Variants in CDHR4 observed in about 807,000 individuals in gnomAD.
CDHR4 encodes the protein cadherin related family member 4, also known as cadherin-related family member 4.
Under a neutral mutation model 88.4 loss-of-function variants are expected in CDHR4, and 89 were observed. That is an observed-to-expected ratio of 1.01 (90% CI 0.85 to 1.20). The LOEUF (loss-of-function observed/expected upper bound fraction) is 1.20, where lower values mean the gene tolerates loss of function less well. Among genes scored for constraint, CDHR4 ranks in the 50% most tolerant of loss-of-function variants. The pLI, the probability that CDHR4 is intolerant of heterozygous loss-of-function variation, is 0.00. For synonymous variants in CDHR4, 368 were observed against 399.2 expected (o/e 0.92, Z 0.93); for missense variants, 914 against 1,007.2 (o/e 0.91, Z 1.25).
chr3:49,793,540 G>A, intron 12 of CDHR4, 43 bp downstream of exon 12: 1 of 1,547,482 alleles, frequency 6.5e-7, no homozygotes, highest in South Asian at 1.2e-5. Flanking sequence ...CTGAACTCCT[G>A]TCTTTCCAAG....
chr3:49,790,856 G>C lies in CDHR4; in HGVS notation c.2343C>G (p.His781Gln). 1.9e-6 allele frequency: 3 copies of C among 1,551,484 alleles called. No homozygotes were observed. The highest frequency in any genetic ancestry group is 2.6e-6 in the Non-Finnish European group (3 of 1,146,858). ...CTCAGAGCCAGCGCCGGGCTCCTGT[G>C]TGTGTGTTAAACAGGTAGTCTCTTC... ...RTGRDYLFNT[H>Q]TGARRWL The change falls in exon 19 of 19, where the codon CAC becomes CAG. Residue 781 changes from histidine to glutamine, a missense_variant. Transcript: ENST00000412678.
chr3:49,796,791 CA>C, intron 5 of CDHR4, 130 bp downstream of exon 5: 1 of 677,010 alleles, frequency 1.5e-6, no homozygotes, highest in Admixed American at 2.4e-5. Context: ...AGACAGCATG[CA>C]GCAGCAGGTC....
At position 49,799,174 on chromosome 3, in the gene CDHR4, T is replaced by C; in HGVS notation, c.241-18A>G. 2.5e-6 allele frequency: 4 copies of C among 1,590,314 alleles called. No individual in the cohort carries two copies. The highest frequency in any genetic ancestry group is 3.4e-6 in the Non-Finnish European group (4 of 1,167,942). ...AAGGTCAACTGGGGTGGGTGGACAG[T>C]GCCATGTGGGGCTTGGAAATTTTAG... On this transcript the variant is annotated intron_variant, in intron 2 of 18. Transcript: ENST00000412678.
At chr3:49,794,272 C>A (rs1344504140) in intron 10 of CDHR4, among the ~76,000 whole-genome samples, 1 of 152,164 alleles carries the variant, frequency 6.6e-6, no homozygotes, top group African/African-American at 2.4e-5. Flanking sequence ...GTGGCCGGCA[C>A]CTGTAGTCCC....
At position 49,790,773 on chromosome 3, in the gene CDHR4, A is replaced by C; in HGVS notation, c.*59T>G. 1 of 1,396,220 alleles carries C rather than the reference A, an allele frequency of 7.2e-7. No individual in the cohort carries two copies. The highest frequency in any genetic ancestry group is 1.3e-5 in the South Asian group (1 of 75,484). The allele number at this position is 1,396,220 out of a possible 1,614,324, so 86.5% of individuals were successfully genotyped here. On this transcript the variant is annotated 3_prime_UTR_variant, in exon 19 of 19. Transcript: ENST00000412678. ...TTGTTTATTATGAATCAACTTGAAA[A>C]TACAGCCCATGATGGTGTGAAAAAG...
Position 49,799,342 on chromosome 3 carries a change from G to A in CDHR4, c.145C>T (p.Pro49Ser). 5.6e-6 allele frequency: 9 copies of A among 1,613,766 alleles called. No homozygotes were observed. Among genetic ancestry groups the A allele is most frequent in the South Asian group, 5.5e-5 (5 of 91,020 alleles). Reference protein sequence around the residue: ...FLSFNCSSYTPTPTLELLNVQ... With the variant: ...FLSFNCSSYTSTPTLELLNVQ... Reference sequence around the variant, plus strand: ...TTGAGCAACTCCAGGGTGGGTGTGGGCGTGTAGGAGGAGCAGTTGAAGGAT... The same window carrying A: ...TTGAGCAACTCCAGGGTGGGTGTGGACGTGTAGGAGGAGCAGTTGAAGGAT... The change falls in exon 2 of 19, where the codon CCC (proline) becomes TCC (serine). Residue 49 changes from proline to serine, a missense_variant. Physicochemically the swap from Pro to Ser is moderately conservative, Grantham distance 74 (BLOSUM62 -1). Coordinates refer to ENST00000412678, the MANE Select transcript of CDHR4 (RefSeq NM_001007540.4).
chr3:49,793,242 G>A lies in CDHR4; in HGVS notation c.1693C>T (p.Arg565Cys), dbSNP rs1427219918. 16 of 1,551,502 alleles carry A rather than the reference G, an allele frequency of 1.0e-5. No homozygotes were observed. Among genetic ancestry groups the A allele is most frequent in the East Asian group, 2.4e-5 (1 of 40,928 alleles). Residue 565 changes from arginine (R) to cysteine (C), a missense_variant, in exon 13 of 19, where the codon CGT (arginine) becomes TGT (cysteine). Coordinates refer to ENST00000412678, the MANE Select transcript of CDHR4 (RefSeq NM_001007540.4). ...GACATCTTGGTCACCTCCACGCTAC[G>A]GCCCAGAGGAGCATAGATGGTGAGT... ...QELTIYAPLG[R>C]SVEVTKMSCQ...
chr3:49,800,299 G>T (rs2081343510), upstream of CDHR4, among the ~76,000 whole-genome samples: 1 of 152,124 alleles, frequency 6.6e-6, no homozygotes, highest in Non-Finnish European at 1.5e-5. Flanking sequence ...GCTGAGGTGG[G>T]AGGATCACTT....
chr3:49,797,061 A>G (rs2081282144), intron 4 of CDHR4, 29 bp from the exon 5 acceptor site: 4 of 1,541,338 alleles, frequency 2.6e-6, no homozygotes, highest in African/African-American at 2.7e-5. Flanking sequence ...TGGCAACCAC[A>G]TTCAGCCCCC....
intron 5 of CDHR4, 47 bp downstream of exon 5, chr3:49,796,875 C>T (rs2108285443): frequency 1.4e-6 from 2 of 1,445,512 alleles, no homozygotes; most frequent in Non-Finnish European, 9.5e-7. Flanking sequence ...AAAAGGTAGG[C>T]ACTCTACCCA....
chr3:49,795,849 CAG>C lies in CDHR4; in HGVS notation c.711-87_711-86del. On this transcript the variant is annotated intron_variant, in intron 6 of 18. Transcript: ENST00000412678. This position sits in a 1 kb window ranked among gnomAD's most constrained non-coding sequence, Gnocchi z 5.4. ...CTTCCTTCCCTGGGCCCCCTCCTGT[CAG>C]GGCTGGGACTCAGCTCCAGCAGCCT... The C allele has an allele frequency of 1.3e-6, 2 of 1,530,530 alleles. No individual in the cohort carries two copies. 94.8% of individuals were successfully genotyped at this position (1,530,530 alleles called of 1,614,324 possible). A position where few individuals can be genotyped will look rare whatever the true frequency, so the allele number is the denominator to read the frequency against.
At position 49,791,798 on chromosome 3, in the gene CDHR4, G is replaced by C; in HGVS notation, c.2199C>G (p.Ile733Met). 6.4e-7 allele frequency: 1 copy of C among 1,551,734 alleles called. No homozygotes were observed. The highest frequency in any genetic ancestry group is 8.7e-7 in the Non-Finnish European group (1 of 1,146,996). ...KPAQALLLNS[I>M]QGTEGSIEGF... ...CCTCGATGGATCCCTCAGTTCCCTGGATGCTGGGGCAAAGTACGAGCAAGA... is the reference window on the plus strand; with the variant it reads ...CCTCGATGGATCCCTCAGTTCCCTGCATGCTGGGGCAAAGTACGAGCAAGA... Residue 733 changes from isoleucine (I) to methionine (M), a missense_variant, in exon 17 of 19, where the codon ATC becomes ATG. Physicochemically the swap from Ile to Met is conservative, Grantham distance 10. Transcript: ENST00000412678.
chr3:49,796,207 C>G (rs149536127), intron 5 of CDHR4, among the ~76,000 whole-genome samples, 161 bp from the exon 6 acceptor site: 1 of 152,344 alleles, frequency 6.6e-6, no homozygotes, highest in African/African-American at 2.4e-5. Context: ...ACTCTGCTGA[C>G]AAGTATTCCT....
At chr3:49,797,275 T>C (rs1017846152) in intron 4 of CDHR4, among the ~76,000 whole-genome samples, 3 of 150,402 alleles carry the variant, frequency 2.0e-5, no homozygotes, top group South Asian at 2.1e-4. Context: ...CTCCCTCCCT[T>C]CCTTCCTTCT....
At position 49,790,942 on chromosome 3, in the gene CDHR4, C is replaced by T. The variant is rs573198471; in HGVS notation, c.2312-55G>A. 9.5e-6 allele frequency: 13 copies of T among 1,374,986 alleles called. 1 individual carries two copies. The African/African-American group carries it at 1.3e-4, about 14-fold the overall frequency. The allele number at this position is 1,374,986 out of a possible 1,614,324, so 85.2% of individuals were successfully genotyped here. A position where few individuals can be genotyped will look rare whatever the true frequency, so the allele number is the denominator to read the frequency against. On this transcript the variant is annotated intron_variant, in intron 18 of 18. Coordinates refer to ENST00000412678, the MANE Select transcript of CDHR4 (RefSeq NM_001007540.4). Reference sequence around the variant, plus strand: ...GGGGGTGCTGCTGGCCCCAGAAGAACTGCCTCCCTCCCCCTTACTTAAGGG... The same window carrying T: ...GGGGGTGCTGCTGGCCCCAGAAGAATTGCCTCCCTCCCCCTTACTTAAGGG...
intron 14 of CDHR4, 58 bp from the exon 15 acceptor site, chr3:49,792,668 C>G: frequency 6.5e-7 from 1 of 1,541,786 alleles, no homozygotes; most frequent in South Asian, 1.2e-5. Flanking sequence ...ACCATCCAGC[C>G]TTCCAACCCT....
chr3:49,793,650 T>C lies in CDHR4; in HGVS notation c.1556A>G (p.Asp519Gly). Residue 519 changes from aspartate to glycine, a missense_variant, in exon 12 of 19, where the codon GAC (aspartate) becomes GGC (glycine). Transcript: ENST00000412678. The part of the protein sequence containing the change: ...RLYRLTVLVI[D>G]HGQDQNPNHH... ...GTTGGGGTTCTGGTCTTGGCCATGG[T>C]CAATCACAAGGACAGTGAGCCTGTA... 6.4e-7 allele frequency: 1 copy of C among 1,551,682 alleles called. No individual in the cohort carries two copies. Among genetic ancestry groups the C allele is most frequent in the Non-Finnish European group, 8.7e-7 (1 of 1,146,976 alleles).
At chr3:49,798,296 T>G (rs967659626) in intron 4 of CDHR4, 7 of 151,208 alleles carry the variant, frequency 4.6e-5, no homozygotes, top group Non-Finnish European at 1.4e-5. Flanking sequence ...TTGAAAGAAC[T>G]CAGCCCCTGG....
intron 10 of CDHR4, 104 bp from the exon 11 acceptor site, chr3:49,794,110 G>A: frequency 4.2e-6 from 5 of 1,193,432 alleles, no homozygotes; most frequent in Non-Finnish European, 5.9e-6. Flanking sequence ...TAAAGAGTGA[G>A]AGGGTCTGCT....
Sources: gnomAD v4.1 joint callset for allele counts (sites outside exome capture counted in the v4.1 genomes callset) on GRCh38, gnomAD v4.1.1 for gene constraint, Gnocchi (gnomAD v3.1) non-coding constraint, MANE v1.5 for transcripts, NCBI Gene and HGNC (gene_info 2026-07-23, HGNC 2026-07-21) for gene names.